RIPOR2: variants seen among roughly 807,000 people sequenced by gnomAD.
RIPOR2 encodes the protein rho family-interacting cell polarization regulator 2.
A neutral mutation model predicts 114.5 loss-of-function variants in RIPOR2; 39 were observed. The observed-to-expected ratio is 0.34, with a 90% confidence interval of 0.26 to 0.44. The LOEUF (loss-of-function observed/expected upper bound fraction) is 0.44. RIPOR2 is among the 20% of genes least tolerant of loss of function. The pLI is 1.00. For synonymous variants in RIPOR2, 445 were observed against 484.4 expected, an observed-to-expected ratio of 0.92 and a Z score of 1.07; for missense variants, 1,007 against 1,255.1, an observed-to-expected ratio of 0.80 and a Z score of 2.99.
At chr6:24,940,883 A>G (rs572543145), upstream of RIPOR2, among the ~76,000 whole-genome samples, 1 of 152,206 alleles carries the variant, frequency 6.6e-6, no homozygotes, top group African/African-American at 2.4e-5. Context: ...TGAACTCCTG[A>G]CCTAAAGTGA....
At chr6:24,885,354 C>G (rs1766732537) in intron 1 of RIPOR2, among the ~76,000 whole-genome samples, 1 of 152,164 alleles carries the variant, frequency 6.6e-6, no homozygotes, top group Admixed American at 6.5e-5. Context: ...TCCCGAGTAG[C>G]TGGGACTACT....
chr6:24,999,030 T>C (rs986335707), intron 1 of RIPOR2, among the ~76,000 whole-genome samples: 3 of 152,190 alleles, frequency 2.0e-5, no homozygotes, highest in Non-Finnish European at 4.4e-5. Flanking sequence ...TCCTTCCTCC[T>C]AATTGATCTG....
chr6:24,968,780 A>G (rs944505071), intron 1 of RIPOR2, among the ~76,000 whole-genome samples: 1 of 152,160 alleles, frequency 6.6e-6, no homozygotes, highest in African/African-American at 2.4e-5. Flanking sequence ...GCCTCACTTC[A>G]GTCCCTGGCC....
intron 1 of RIPOR2, among the ~76,000 whole-genome samples, chr6:24,911,886 TACC>T (rs1049982618): frequency 6.6e-6 from 1 of 152,200 alleles, no homozygotes; most frequent in Non-Finnish European, 1.5e-5. Flanking sequence ...ACTAGAATAG[TACC>T]ACAAGACACA....
chr6:24,876,049 G>T (rs1237579775), intron 1 of RIPOR2, among the ~76,000 whole-genome samples: 1 of 152,150 alleles, frequency 6.6e-6, no homozygotes, highest in Admixed American at 6.5e-5. Flanking sequence ...CCAGCACTTT[G>T]GGAGGCCGAG....
chr6:24,847,763 C>G, intron 12 of RIPOR2: 1 of 1,438,782 alleles, frequency 7.0e-7, no homozygotes, highest in South Asian at 1.3e-5. Flanking sequence ...AGCTTTTTAG[C>G]AAGCATTTTT....
intron 1 of RIPOR2, among the ~76,000 whole-genome samples, chr6:24,981,443 C>T (rs1774293743): frequency 1.3e-5 from 2 of 152,230 alleles, no homozygotes; most frequent in South Asian, 4.1e-4. Context: ...GGGAACATTT[C>T]CTTGCCTTTG....
At chr6:24,998,852 A>T (rs555715375) in intron 1 of RIPOR2, among the ~76,000 whole-genome samples, 32 of 147,660 alleles carry the variant, frequency 2.2e-4, no homozygotes, top group African/African-American at 7.0e-4. Context: ...AACAGATTGG[A>T]CAATGTGGAA....
chr6:25,006,125 C>CT (rs1210222452), intron 1 of RIPOR2, among the ~76,000 whole-genome samples: 4 of 152,240 alleles, frequency 2.6e-5, no homozygotes, highest in African/African-American at 2.4e-5. Flanking sequence ...ACTCTCTAAT[C>CT]CCTCCACTCA....
At chr6:24,994,502 T>A (rs184818516) in intron 1 of RIPOR2, among the ~76,000 whole-genome samples, 18 of 152,320 alleles carry the variant, frequency 1.2e-4, no homozygotes, top group Admixed American at 1.1e-3. Context: ...ATTTCCGATC[T>A]GTTGTAATGG....
chr6:24,862,814 C>T (rs1456861653), intron 7 of RIPOR2, among the ~76,000 whole-genome samples: 3 of 151,304 alleles, frequency 2.0e-5, no homozygotes, highest in African/African-American at 7.3e-5. Context: ...ACCCCCCCAC[C>T]ACCCACAGCC....
intron 20 of RIPOR2, among the ~76,000 whole-genome samples, chr6:24,811,532 TG>T (rs1274884646): frequency 6.6e-6 from 1 of 152,116 alleles, no homozygotes; most frequent in African/African-American, 2.4e-5. Flanking sequence ...CCACTGCACC[TG>T]GCCTTCTCTC....
chr6:25,041,706 A>G (rs2113785401), intron 1 of RIPOR2: 1 of 592,184 alleles, frequency 1.7e-6, no homozygotes, highest in Non-Finnish European at 3.0e-6. Flanking sequence ...ACCAAAGTCC[A>G]TTGGAAAACG....
chr6:24,818,083 C>G (rs1759328207), intron 20 of RIPOR2, among the ~76,000 whole-genome samples: 2 of 150,088 alleles, frequency 1.3e-5, no homozygotes, highest in Non-Finnish European at 3.0e-5. Flanking sequence ...CCCTCCTCAG[C>G]CTCCTGAGTA....
chr6:24,954,167 T>C (rs930172114), intron 1 of RIPOR2, among the ~76,000 whole-genome samples: 2 of 152,214 alleles, frequency 1.3e-5, no homozygotes, highest in Non-Finnish European at 2.9e-5. Flanking sequence ...GTTGGTAACT[T>C]GGACTCAACA....
At chr6:25,001,406 C>G (rs1217433422) in intron 1 of RIPOR2, among the ~76,000 whole-genome samples, 2 of 151,876 alleles carry the variant, frequency 1.3e-5, no homozygotes, top group Non-Finnish European at 2.9e-5. Context: ...GAGCGGATCA[C>G]GAGGTCAGGA....
In RIPOR2 at chr6:25,001,967, C is replaced by T. The variant is rs184962765; in HGVS notation, c.76+39884G>A. 1.1e-4 allele frequency among the ~76,000 whole-genome samples: 17 copies of T among 152,048 alleles called. No homozygotes were observed. In the East Asian group the frequency reaches 2.9e-3, roughly 26 times the overall value. ...TTGTGATCCACCCGCCTCAGCCTCCCGAAGTGCTGGCATTACAGGTGTGAG... is the reference window on the plus strand; with the variant it reads ...TTGTGATCCACCCGCCTCAGCCTCCTGAAGTGCTGGCATTACAGGTGTGAG... On this transcript the variant is annotated intron_variant, in intron 1 of 13. Transcript: ENST00000510784.
At chr6:24,806,846 A>C (rs1780802125) in intron 21 of RIPOR2, among the ~76,000 whole-genome samples, 1 of 152,216 alleles carries the variant, frequency 6.6e-6, no homozygotes. Flanking sequence ...CTTTTACATA[A>C]CTTTTACTTG....
At chr6:25,024,541 A>G (rs1776510864) in intron 1 of RIPOR2, 2 of 613,260 alleles carry the variant, frequency 3.3e-6, no homozygotes, top group Non-Finnish European at 6.0e-6. Context: ...TTCAGGGTGC[A>G]GTGAACCACT....
Sources: gnomAD v4.1 joint callset for allele counts (sites outside exome capture counted in the v4.1 genomes callset) on GRCh38, gnomAD v4.1.1 for gene constraint, MANE v1.5 for transcripts, NCBI Gene and HGNC (gene_info 2026-07-23, HGNC 2026-07-21) for gene names.